The following ITGA9 variants were observed in gnomAD, a reference collection of about 807,000 sequenced individuals.
ITGA9 encodes integrin subunit alpha 9, also known as integrin alpha-9.
In ITGA9, 56 loss-of-function variants were observed where a neutral mutation model predicts 127.8. The ratio of observed to expected loss-of-function variants is 0.44; its 90% CI spans 0.35 to 0.55. The LOEUF is 0.55. ITGA9 is among the 20% of genes least tolerant of loss of function. The pLI is 0.00. For missense variants in ITGA9, 1,196 were observed against 1,347.1 expected (o/e 0.89, Z 1.76); for synonymous variants, 508 against 514.5 (o/e 0.99, Z 0.17).
intron 20 of ITGA9, among the ~76,000 whole-genome samples, chr3:37,739,289 T>C (rs1300417108): frequency 6.6e-6 from 1 of 152,222 alleles, no homozygotes; most frequent in Admixed American, 6.5e-5. Context: ...GCTTCAATAA[T>C]ATAAAAATTT....
chr3:37,653,611 T>C, intron 16 of ITGA9, 103 bp from the exon 17 acceptor site: 1 of 889,214 alleles, frequency 1.1e-6, no homozygotes, highest in South Asian at 1.3e-5. Context: ...CCTGAGGGGC[T>C]CAGGGGAGGA....
chr3:37,512,031 T>C (rs1201767968), intron 8 of ITGA9, among the ~76,000 whole-genome samples: 1,218 of 36,346 alleles, frequency 0.034, 100 homozygotes, highest in Non-Finnish European at 0.049. Flanking sequence ...TTCTTTTCTT[T>C]CTTTCTTTCT....
At chr3:37,642,300 A>G (rs143087467) in intron 16 of ITGA9, among the ~76,000 whole-genome samples, 2 of 152,286 alleles carry the variant, frequency 1.3e-5, no homozygotes, top group East Asian at 1.9e-4. Flanking sequence ...TATTTCGTCT[A>G]CTTGTTATTG....
At chr3:37,760,135 C>T (rs1161902950) in intron 23 of ITGA9, among the ~76,000 whole-genome samples, 2 of 151,428 alleles carry the variant, frequency 1.3e-5, no homozygotes, top group Non-Finnish European at 2.9e-5. Flanking sequence ...GCAGGAGAGT[C>T]GTCTGTAATC....
At chr3:37,556,135 G>T (rs562723639) in intron 15 of ITGA9, among the ~76,000 whole-genome samples, 11 of 152,314 alleles carry the variant, frequency 7.2e-5, no homozygotes, top group Admixed American at 7.2e-4. Context: ...CATGGCAGGG[G>T]CTGGGCCAGG....
chr3:37,637,782 C>T (rs1215240542), intron 16 of ITGA9, among the ~76,000 whole-genome samples: 2 of 152,184 alleles, frequency 1.3e-5, no homozygotes, highest in Non-Finnish European at 2.9e-5. Flanking sequence ...AAGTGATTCT[C>T]CTGCCTCAGC....
At position 37,481,533 on chromosome 3, in the gene ITGA9, T is replaced by C. The variant is rs753253406; in HGVS notation, c.470T>C (p.Leu157Pro). 1.2e-6 allele frequency: 2 copies of C among 1,614,040 alleles called. No individual in the cohort carries two copies. Among genetic ancestry groups the C allele is most frequent in the Admixed American group, 1.7e-5 (1 of 60,008 alleles). Residue 157 changes from leucine to proline, a missense_variant, in exon 4 of 28, where the codon CTA (leucine) becomes CCA (proline). Coordinates refer to ENST00000264741, the MANE Select transcript of ITGA9 (RefSeq NM_002207.3). ...ATCTACTATGAAGCCGACCACATCC[T>C]ACCCCATGGCTTCTGCTACATCATC... ...KNIYYEADHILPHGFCYIIPS... is the reference protein window; with the variant it reads ...KNIYYEADHIPPHGFCYIIPS...
intron 27 of ITGA9, among the ~76,000 whole-genome samples, chr3:37,815,608 C>CA (rs71288088): frequency 0.13 from 12,411 of 92,272 alleles, 693 homozygotes; most frequent in African/African-American, 0.22. Context: ...GACTCTGTCT[C>CA]AAAAAAAAAA....
At chr3:37,700,031 T>G (rs1010822711) in intron 18 of ITGA9, among the ~76,000 whole-genome samples, 2 of 152,258 alleles carry the variant, frequency 1.3e-5, no homozygotes, top group Admixed American at 6.5e-5. Flanking sequence ...TCACCCAGAC[T>G]GGAGTGCAGT....
At chr3:37,717,530 C>T (rs60696490) in intron 18 of ITGA9, among the ~76,000 whole-genome samples, 2,347 of 152,200 alleles carry the variant, frequency 0.015, 72 homozygotes, top group African/African-American at 0.053. Flanking sequence ...CTTACAATCA[C>T]GGCAGAAGGT....
chr3:37,684,506 C>T (rs984578183), intron 18 of ITGA9, among the ~76,000 whole-genome samples: 1 of 152,322 alleles, frequency 6.6e-6, no homozygotes, highest in African/African-American at 2.4e-5. Context: ...AGACAAGTCT[C>T]GCTCTGTCAC....
At chr3:37,463,913 C>T (rs944180744) in intron 1 of ITGA9, among the ~76,000 whole-genome samples, 4 of 152,162 alleles carry the variant, frequency 2.6e-5, no homozygotes, top group African/African-American at 9.7e-5. Context: ...AGGAATAGGG[C>T]ATTGCAGTGG....
At chr3:37,566,979 G>T (rs1037195374) in intron 15 of ITGA9, among the ~76,000 whole-genome samples, 4 of 152,180 alleles carry the variant, frequency 2.6e-5, no homozygotes, top group Admixed American at 6.5e-5. Context: ...GCCTTCCTGG[G>T]TTCTGCTTTC....
intron 18 of ITGA9, among the ~76,000 whole-genome samples, chr3:37,704,746 A>G (rs1700985432): frequency 6.6e-6 from 1 of 152,162 alleles, no homozygotes; most frequent in Non-Finnish European, 1.5e-5. Flanking sequence ...GACACCAAAG[A>G]AATTGGTAGG....
At chr3:37,497,536 G>T (rs1469601002) in intron 5 of ITGA9, among the ~76,000 whole-genome samples, 1 of 152,102 alleles carries the variant, frequency 6.6e-6, no homozygotes, top group Non-Finnish European at 1.5e-5. Flanking sequence ...TTTTAAAAAA[G>T]ATTTCGATCT....
At chr3:37,775,026 A>C (rs1696889318) in intron 23 of ITGA9, among the ~76,000 whole-genome samples, 1 of 152,218 alleles carries the variant, frequency 6.6e-6, no homozygotes, top group African/African-American at 2.4e-5. Flanking sequence ...TGACCAATAG[A>C]ATCTAATTAA....
intron 15 of ITGA9, among the ~76,000 whole-genome samples, chr3:37,567,743 A>G (rs985169048): frequency 6.6e-6 from 1 of 152,192 alleles, no homozygotes; most frequent in South Asian, 2.1e-4. Flanking sequence ...AAGCTCCAAA[A>G]TGATCTCCTT....
intron 15 of ITGA9, among the ~76,000 whole-genome samples, chr3:37,565,657 G>T (rs1187846032): frequency 6.6e-6 from 1 of 152,196 alleles, no homozygotes. Flanking sequence ...TAATGCCATA[G>T]AACTGGACAC....
At chr3:37,766,273 A>G (rs906277060) in intron 23 of ITGA9, among the ~76,000 whole-genome samples, 6 of 152,264 alleles carry the variant, frequency 3.9e-5, no homozygotes, top group Non-Finnish European at 7.3e-5. Context: ...ATGTTGTTAG[A>G]CGCTGAGAAG....
Sources: gnomAD v4.1 joint callset for allele counts (sites outside exome capture counted in the v4.1 genomes callset) on GRCh38, gnomAD v4.1.1 for gene constraint, MANE v1.5 for transcripts, NCBI Gene and HGNC (gene_info 2026-07-23, HGNC 2026-07-21) for gene names.